WNK2: variants seen among roughly 807,000 people sequenced by gnomAD.
The protein encoded by WNK2 is WNK lysine deficient protein kinase 2.
Under a neutral mutation model 192.1 loss-of-function variants are expected in WNK2, and 67 were observed. The observed-to-expected ratio is 0.35, with a 90% CI of 0.29 to 0.43. WNK2 has a LOEUF of 0.43. Ranked by LOEUF, WNK2 falls within the 20% of genes least tolerant of loss-of-function variation. The pLI is 1.00. For missense variants in WNK2, 2,698 were observed against 3,089.7 expected, an observed-to-expected ratio of 0.87 and a Z score of 3.01; for synonymous variants, 1,439 against 1,393.9, an observed-to-expected ratio of 1.03 and a Z score of -0.72.
In WNK2 at chr9:93,306,938, G is replaced by A. The variant is rs934574172; in HGVS notation, c.6259+117G>A. ...CGTGGGCCTGCCCTGTGCCTGCCCCGCGCCTGCTCCATGCCTCTCGGCCGG... is the reference window on the plus strand; with the variant it reads ...CGTGGGCCTGCCCTGTGCCTGCCCCACGCCTGCTCCATGCCTCTCGGCCGG... On this transcript the variant is annotated intron_variant, in intron 27 of 29. Transcript: ENST00000427277. 5.4e-5 allele frequency: 71 copies of A among 1,305,224 alleles called. 1 individual carries two copies. The highest frequency in any genetic ancestry group is 7.3e-5 in the Non-Finnish European group (66 of 903,096). The allele number at this position is 1,305,224 out of a possible 1,614,324, so 80.9% of individuals were successfully genotyped here.
chr9:93,215,497 G>A (rs1835588846), intron 2 of WNK2, among the ~76,000 whole-genome samples: 1 of 152,092 alleles, frequency 6.6e-6, no homozygotes, highest in Admixed American at 6.5e-5. Flanking sequence ...CTTCCCCTTT[G>A]TCTTCTATAA....
intron 2 of WNK2, among the ~76,000 whole-genome samples, chr9:93,209,480 A>G (rs1834095799): frequency 6.6e-6 from 1 of 152,040 alleles, no homozygotes. Context: ...CCTCTCCCTC[A>G]CGTCCAAGAC....
At chr9:93,243,676 C>T (rs559107504) in intron 7 of WNK2, among the ~76,000 whole-genome samples, 21 of 152,332 alleles carry the variant, frequency 1.4e-4, no homozygotes, top group Admixed American at 2.6e-4. Flanking sequence ...GCTCACTCCC[C>T]GGGAACAGCT....
rs767102684 is a variant in WNK2, at chr9:93,229,907, A to C, written c.854+39A>C. 2 of 1,602,292 alleles carry C rather than the reference A, an allele frequency of 1.2e-6. No individual in the cohort carries two copies. The highest frequency in any genetic ancestry group is 1.7e-6 in the Non-Finnish European group (2 of 1,173,744). On this transcript the variant is annotated intron_variant, in intron 3 of 29. Coordinates refer to ENST00000427277, the MANE Select transcript of WNK2 (RefSeq NM_006648.4). This position sits in a 1 kb window ranked among gnomAD's most constrained non-coding sequence, Gnocchi z 4.9. ...CCTGAGGGCTGGGGCGGGTCCTGGC[A>C]TGGGTGCAGGGCTACCATAGCTGAG... is the stretch of plus-strand genomic sequence containing the variant.
intron 29 of WNK2, chr9:93,318,046 C>T (rs1288198395): frequency 6.2e-7 from 1 of 1,612,200 alleles, no homozygotes. Context: ...GGTCCACGCG[C>T]CGTCTCCACA....
chr9:93,292,365 C>A lies in WNK2; in HGVS notation c.4994C>A (p.Ser1665Ter). 1 of 1,613,990 alleles carries A rather than the reference C, an allele frequency of 6.2e-7. No individual in the cohort carries two copies. The highest frequency in any genetic ancestry group is 8.5e-7 in the Non-Finnish European group (1 of 1,179,902). Residue 1665 changes from serine (S) to a stop codon, truncating the protein, a stop_gained, in exon 22 of 30, where the codon TCA becomes TAA. Coordinates refer to ENST00000427277, the MANE Select transcript of WNK2 (RefSeq NM_006648.4). LOFTEE classifies it high-confidence loss of function. ...GYDRDGRQVA[S>*]DSHVVPSVPQ... Reference sequence around the variant, plus strand: ...GACAGAGATGGAAGGCAGGTGGCCTCAGACTCCCATGTGGTCCCCAGCGTC... The same window carrying A: ...GACAGAGATGGAAGGCAGGTGGCCTAAGACTCCCATGTGGTCCCCAGCGTC...
chr9:93,266,658 C>T (rs1158729449), intron 16 of WNK2, among the ~76,000 whole-genome samples: 6 of 152,212 alleles, frequency 3.9e-5, no homozygotes, highest in Non-Finnish European at 7.3e-5. Flanking sequence ...TGGTGAATCA[C>T]GGAACACAGC....
rs1446202957 is a variant in WNK2, at chr9:93,268,664, G to A, written c.3951G>A (p.Pro1317=). 2 of 1,613,466 alleles carry A rather than the reference G, an allele frequency of 1.2e-6. No homozygotes were observed. The highest frequency in any genetic ancestry group is 2.2e-5 in the South Asian group (2 of 90,966). Residue 1317 remains proline, a synonymous_variant, in exon 19 of 30, where the codon CCG becomes CCA. Transcript: ENST00000427277. Reference sequence around the variant, plus strand: ...GGAAGAGGTGGTTCATCATCTGTCCGGTGGCTGAGCACCCCGCCCCCGAGG... The same window carrying A: ...GGAAGAGGTGGTTCATCATCTGTCCAGTGGCTGAGCACCCCGCCCCCGAGG... ...HTGKRWFIIC[P]VAEHPAPEAP...
intron 7 of WNK2, among the ~76,000 whole-genome samples, chr9:93,242,293 A>T (rs1403430492): frequency 6.6e-6 from 1 of 152,094 alleles, no homozygotes; most frequent in Non-Finnish European, 1.5e-5. Context: ...GCCCATTCTC[A>T]TCTGGCTTGT....
chr9:93,251,507 C>T (rs1444681184), intron 8 of WNK2, among the ~76,000 whole-genome samples: 6 of 152,094 alleles, frequency 3.9e-5, no homozygotes, highest in East Asian at 1.9e-4. Flanking sequence ...CCCAGGGGTT[C>T]GAGACCAGTC....
chr9:93,246,259 C>T (rs1841663853), intron 7 of WNK2, among the ~76,000 whole-genome samples: 1 of 152,204 alleles, frequency 6.6e-6, no homozygotes, highest in Non-Finnish European at 1.5e-5. Context: ...AGCACGTCCT[C>T]ACTGTCAAGC....
At chr9:93,187,902 C>T (rs980431116) in intron 2 of WNK2, among the ~76,000 whole-genome samples, 3 of 151,960 alleles carry the variant, frequency 2.0e-5, no homozygotes, top group Non-Finnish European at 4.4e-5. Context: ...GGGGAGTGTG[C>T]TCCTGGGTGG....
intron 26 of WNK2, among the ~76,000 whole-genome samples, chr9:93,303,169 G>A (rs1851903495): frequency 6.6e-6 from 1 of 152,202 alleles, no homozygotes; most frequent in Non-Finnish European, 1.5e-5. Flanking sequence ...GTCCACCCAC[G>A]TTGGCCTCCC....
intron 10 of WNK2, 132 bp downstream of exon 10, chr9:93,256,586 G>C: frequency 1.7e-6 from 2 of 1,156,716 alleles, no homozygotes; most frequent in South Asian, 3.3e-5. Flanking sequence ...CCAGGTCTTT[G>C]GTGTGCCTGA....
intron 2 of WNK2, among the ~76,000 whole-genome samples, chr9:93,205,568 C>CG (rs143536885): frequency 0.027 from 4,038 of 152,354 alleles, 159 homozygotes; most frequent in African/African-American, 0.088. Context: ...GCCCGCCCCG[C>CG]GGCCGGCTGT....
chr9:93,287,363 G>A (rs1038621128), intron 19 of WNK2, among the ~76,000 whole-genome samples: 2 of 152,170 alleles, frequency 1.3e-5, no homozygotes, highest in African/African-American at 2.4e-5. Flanking sequence ...GGGCCTGCAC[G>A]CACTGTGCCT....
In WNK2 at chr9:93,230,828, T is replaced by A; in HGVS notation, c.855-60T>A. ...GGCCTAAGCAGTGTTAGGTGGGGGC[T>A]TTGCTAGGGGGCCGCTGCCGGCGAG... On this transcript the variant is annotated intron_variant, in intron 3 of 29. Coordinates refer to ENST00000427277, the MANE Select transcript of WNK2 (RefSeq NM_006648.4). The A allele has an allele frequency of 1.3e-5, 20 of 1,505,398 alleles. No individual in the cohort carries two copies. In the South Asian group the frequency reaches 2.0e-4, roughly 15 times the overall value. 93.3% of individuals were successfully genotyped at this position (1,505,398 alleles called of 1,614,324 possible). A position where few individuals can be genotyped will look rare whatever the true frequency, so the allele number is the denominator to read the frequency against.
Position 93,262,072 on chromosome 9 carries a change from C to T in WNK2, c.3325C>T (p.Pro1109Ser). The T allele has an allele frequency of 6.2e-7, 1 of 1,608,124 alleles. No homozygotes were observed. The highest frequency in any genetic ancestry group is 8.5e-7 in the Non-Finnish European group (1 of 1,176,724). ...CGGGCCCGGGATCGCCAGCCCTTGCCCAACTGTCCAGCTGACGGTGGAACC... is the reference window on the plus strand; with the variant it reads ...CGGGCCCGGGATCGCCAGCCCTTGCTCAACTGTCCAGCTGACGGTGGAACC... ...PGGPGIASPC[P>S]TVQLTVEPVQ... Residue 1109 changes from proline to serine, a missense_variant, in exon 13 of 30, where the codon CCA becomes TCA. Physicochemically the swap from Pro to Ser is moderately conservative, Grantham distance 74 (BLOSUM62 -1). This residue lies in a region of WNK2 where 893 missense variants were observed against 909.0 expected (regional missense o/e 0.98). Coordinates refer to ENST00000427277, the MANE Select transcript of WNK2 (RefSeq NM_006648.4).
intron 23 of WNK2, among the ~76,000 whole-genome samples, 199 bp downstream of exon 23, chr9:93,293,372 T>C (rs1588491839): frequency 6.8e-6 from 1 of 147,980 alleles, no homozygotes; most frequent in Non-Finnish European, 1.5e-5. Flanking sequence ...CAGGCTGGAG[T>C]GCAGTGGTGC....
Sources: allele counts gnomAD v4.1 joint callset (sites outside exome capture counted in the v4.1 genomes callset), GRCh38; gene constraint gnomAD v4.1.1; regional missense constraint gnomAD v4.1.1; non-coding constraint Gnocchi (gnomAD v3.1); transcripts MANE v1.5; gene names NCBI Gene and HGNC (gene_info 2026-07-23, HGNC 2026-07-21).